ROCK2: variants seen among roughly 807,000 people sequenced by gnomAD.
The protein encoded by ROCK2 is rho-associated protein kinase 2.
Under a neutral mutation model 195.1 loss-of-function variants are expected in ROCK2, and 61 were observed. The observed-to-expected ratio is 0.31, with a 90% CI of 0.25 to 0.39. The LOEUF (loss-of-function observed/expected upper bound fraction) is 0.39, where lower values mean the gene tolerates loss of function less well. Among genes scored for constraint, ROCK2 ranks in the 10% least tolerant of loss-of-function variants. The probability of loss-of-function intolerance (pLI) is 1.00; values close to 1 mark genes in which losing one functional copy is unlikely to be tolerated. For synonymous variants in ROCK2, 504 were observed against 545.5 expected (o/e 0.92, Z 1.06); for missense variants, 1,109 against 1,637.4 (o/e 0.68, Z 5.57).
chr2:11,203,003 G>A (rs1663918628), intron 20 of ROCK2, among the ~76,000 whole-genome samples: 1 of 152,038 alleles, frequency 6.6e-6, no homozygotes, highest in Admixed American at 6.6e-5. Flanking sequence ...AGAAGTGCTG[G>A]CTTTAGATCT....
At chr2:11,238,313 T>C (rs746898161) in intron 4 of ROCK2, among the ~76,000 whole-genome samples, 2 of 150,658 alleles carry the variant, frequency 1.3e-5, no homozygotes, top group African/African-American at 4.9e-5. Flanking sequence ...AGAGACCACC[T>C]CATGTACACG....
Position 11,338,772 on chromosome 2 carries a change from G to A in ROCK2, c.141+5224C>T, listed in dbSNP as rs377490910. On this transcript the variant is annotated intron_variant, in intron 1 of 32. Coordinates refer to ENST00000315872, the MANE Select transcript of ROCK2 (RefSeq NM_004850.5). ...GAAGACAATTCAACAATGAGAAAAA[G>A]GAATAAACTGCTGACACACACAATA... is the stretch of plus-strand genomic sequence containing the variant. 5.5e-4 allele frequency among the ~76,000 whole-genome samples: 84 copies of A among 152,076 alleles called. No homozygotes were observed. In the South Asian group the frequency reaches 5.6e-3, roughly 10 times the overall value.
At chr2:11,326,395 T>C (rs982237725) in intron 1 of ROCK2, among the ~76,000 whole-genome samples, 3 of 152,226 alleles carry the variant, frequency 2.0e-5, no homozygotes, top group African/African-American at 7.2e-5. Flanking sequence ...ATTATGGTTT[T>C]AGCAGCAAGA....
chr2:11,317,576 T>TTATATATCTATATA (rs1668237737), intron 1 of ROCK2, among the ~76,000 whole-genome samples: 2 of 29,586 alleles, frequency 6.8e-5, no homozygotes, highest in African/African-American at 3.1e-4. Flanking sequence ...ATCTACACAT[T>TTATATATCTATATA]TATATATATA....
rs868184618 is a variant in ROCK2, at chr2:11,257,313, G to T, written c.325-7515C>A. On this transcript the variant is annotated intron_variant, in intron 3 of 32. Coordinates refer to ENST00000315872, the MANE Select transcript of ROCK2 (RefSeq NM_004850.5). ...GTGGGGCTTAGAGCTGCGGGCGACG[G>T]CAGAGGCGGTGCTGGCAGCTGCAGT... Among the ~76,000 whole-genome samples the T allele has an allele frequency of 1.7e-4, 26 of 151,342 alleles. 2 individuals carry two copies. Among genetic ancestry groups the T allele is most frequent in the African/African-American group, 6.4e-4 (26 of 40,632 alleles).
intron 1 of ROCK2, among the ~76,000 whole-genome samples, chr2:11,342,118 C>T (rs1669125579): frequency 6.6e-6 from 1 of 152,018 alleles, no homozygotes; most frequent in African/African-American, 2.4e-5. Context: ...AACAGAAACA[C>T]CAGGAACCTT....
chr2:11,195,039 C>T lies in ROCK2; in HGVS notation c.3449-14G>A, dbSNP rs1370882523. Reference sequence around the variant, plus strand: ...CTAATCTTGATTCTACAAATAAGCACAACATGTGAGGCTAAAGATAACAAT... The same window carrying T: ...CTAATCTTGATTCTACAAATAAGCATAACATGTGAGGCTAAAGATAACAAT... On this transcript the variant is annotated splice_polypyrimidine_tract_variant and intron_variant, in intron 27 of 32. Coordinates refer to ENST00000315872, the MANE Select transcript of ROCK2 (RefSeq NM_004850.5). The T allele has an allele frequency of 1.3e-6, 2 of 1,493,222 alleles. No individual in the cohort carries two copies. Among genetic ancestry groups the T allele is most frequent in the Admixed American group, 3.9e-5 (2 of 51,616 alleles). 92.5% of individuals were successfully genotyped at this position (1,493,222 alleles called of 1,614,324 possible).
chr2:11,262,653 G>T (rs193262246), intron 3 of ROCK2, among the ~76,000 whole-genome samples: 24 of 152,232 alleles, frequency 1.6e-4, no homozygotes, highest in East Asian at 1.4e-3. Context: ...GTGACTTGCT[G>T]CTCCTTGCCT....
intron 1 of ROCK2, among the ~76,000 whole-genome samples, chr2:11,338,727 T>C (rs1274465886): frequency 4.6e-5 from 7 of 151,906 alleles, no homozygotes; most frequent in African/African-American, 1.5e-4. Context: ...CCAAGCAAAC[T>C]GCAGTTTATA....
At chr2:11,285,335 A>G (rs1040364790) in intron 3 of ROCK2, among the ~76,000 whole-genome samples, 1 of 151,810 alleles carries the variant, frequency 6.6e-6, no homozygotes, top group African/African-American at 2.4e-5. Context: ...TCTCTGTCCC[A>G]TGTACCATCC....
chr2:11,224,386 AAC>A lies in ROCK2; in HGVS notation c.941_942del (p.Cys314PhefsTer3). 1 of 1,613,332 alleles carries A rather than the reference AAC, an allele frequency of 6.2e-7. No individual in the cohort carries two copies. ...SKIMDHKNSL[C>X]FPEDAEISKH... The stretch of plus-strand genomic sequence containing the variant: ...TTGGAAATTTCTGCATCTTCAGGGA[AAC>A]ACAGTGAATTCTTATGATCCATAAT... On this transcript the variant is annotated frameshift_variant, in exon 7 of 33. Coordinates refer to ENST00000315872, the MANE Select transcript of ROCK2 (RefSeq NM_004850.5). LOFTEE classifies it high-confidence loss of function.
At chr2:11,214,269 T>G in intron 17 of ROCK2, 88 bp downstream of exon 17, 1 of 696,270 alleles carries the variant, frequency 1.4e-6, no homozygotes, top group Non-Finnish European at 2.5e-6. Context: ...AATATTCCAG[T>G]TAGTGACTTC....
chr2:11,185,471 G>A (rs1405778034), intron 32 of ROCK2, among the ~76,000 whole-genome samples: 1 of 152,220 alleles, frequency 6.6e-6, no homozygotes, highest in Admixed American at 6.5e-5. Context: ...GCTCACGTCT[G>A]TAATCCCAGC....
chr2:11,328,635 C>T (rs145783686), intron 1 of ROCK2, among the ~76,000 whole-genome samples: 154 of 152,256 alleles, frequency 1.0e-3, no homozygotes, highest in African/African-American at 3.6e-3. Flanking sequence ...ACACTTGAAA[C>T]TATTCACAAC....
At chr2:11,229,439 G>A (rs1157194441) in intron 5 of ROCK2, among the ~76,000 whole-genome samples, 2 of 151,938 alleles carry the variant, frequency 1.3e-5, no homozygotes, top group East Asian at 3.8e-4. Context: ...GTGGGTGGGT[G>A]GGCAAAGGAT....
rs908131046 is a variant in ROCK2, at chr2:11,184,647, T to A, written c.4164-1207A>T. The stretch of plus-strand genomic sequence containing the variant: ...ACGTTGAAGTACTAAAATAACTGAT[T>A]TTTCATTTTTTGATTTACCCCATTT... On this transcript the variant is annotated intron_variant, in intron 32 of 32. Coordinates refer to ENST00000315872, the MANE Select transcript of ROCK2 (RefSeq NM_004850.5). 5.1e-6 allele frequency: 5 copies of A among 985,264 alleles called. No individual in the cohort carries two copies. In the African/African-American group the frequency reaches 8.7e-5, roughly 17 times the overall value. The allele number at this position is 985,264 out of a possible 1,614,324, so 61.0% of individuals were successfully genotyped here.
chr2:11,254,887 G>A (rs754746402), intron 3 of ROCK2, among the ~76,000 whole-genome samples: 2 of 151,682 alleles, frequency 1.3e-5, no homozygotes, highest in Admixed American at 6.6e-5. Flanking sequence ...AAGATCCAAA[G>A]GGAAACACAG....
At chr2:11,274,967 T>G (rs1301401324) in intron 3 of ROCK2, among the ~76,000 whole-genome samples, 4 of 151,788 alleles carry the variant, frequency 2.6e-5, no homozygotes, top group Admixed American at 6.6e-5. Flanking sequence ...TTAAGAATAA[T>G]AAGAACAGGC....
intron 3 of ROCK2, among the ~76,000 whole-genome samples, chr2:11,276,408 C>A (rs1469761938): frequency 6.6e-6 from 1 of 151,996 alleles, no homozygotes; most frequent in East Asian, 1.9e-4. Flanking sequence ...ATGAAAATTA[C>A]AAAAACAATT....
Sources: allele counts gnomAD v4.1 joint callset (sites outside exome capture counted in the v4.1 genomes callset), GRCh38; gene constraint gnomAD v4.1.1; transcripts MANE v1.5; gene names NCBI Gene and HGNC (gene_info 2026-07-23, HGNC 2026-07-21).